FAM193A: variants seen among roughly 807,000 people sequenced by gnomAD.
FAM193A encodes protein FAM193A.
Under a neutral mutation model 126.5 loss-of-function variants are expected in FAM193A, and 22 were observed. That is an observed-to-expected ratio of 0.17 (90% CI 0.12 to 0.25). FAM193A has a LOEUF of 0.25. FAM193A is among the 10% of genes least tolerant of loss of function. FAM193A has a pLI of 1.00. For synonymous variants in FAM193A, 761 were observed against 646.8 expected, an observed-to-expected ratio of 1.18 and a Z score of -2.68; for missense variants, 1,675 against 1,672.8, an observed-to-expected ratio of 1.00 and a Z score of -0.02.
chr4:2,610,105 G>A (rs542257725), intron 2 of FAM193A, among the ~76,000 whole-genome samples: 93 of 148,638 alleles, frequency 6.3e-4, no homozygotes, highest in African/African-American at 2.1e-3. Flanking sequence ...GGTTGCGGGT[G>A]CCTGTAATCC....
intron 20 of FAM193A, among the ~76,000 whole-genome samples, chr4:2,725,210 A>G (rs999101032): frequency 1.3e-5 from 2 of 151,962 alleles, no homozygotes; most frequent in African/African-American, 4.8e-5. Context: ...ATTAAAAACT[A>G]TATATATATG....
Position 2,699,752 on chromosome 4 carries a change from C to A in FAM193A, c.3580C>A (p.Arg1194=), listed in dbSNP as rs746454536. Residue 1194 remains arginine, a synonymous_variant, in exon 19 of 21, where the codon CGG becomes AGG. Transcript: ENST00000637812. ...CCTGCACCTCCAGGAGGAGCAGAGGCGGCGGGAGGAGGAGGAGGATGAGGA... is the reference window on the plus strand; with the variant it reads ...CCTGCACCTCCAGGAGGAGCAGAGGAGGCGGGAGGAGGAGGAGGATGAGGA... The part of the protein sequence containing the change: ...EHLHLQEEQR[R]REEEEDEEEE... The A allele has an allele frequency of 6.2e-7, 1 of 1,613,562 alleles. No individual in the cohort carries two copies. Among genetic ancestry groups the A allele is most frequent in the East Asian group, 2.2e-5 (1 of 44,854 alleles).
chr4:2,638,235 TCTG>T (rs1217967087), intron 5 of FAM193A, among the ~76,000 whole-genome samples: 1 of 152,222 alleles, frequency 6.6e-6, no homozygotes, highest in African/African-American at 2.4e-5. Context: ...TGCCTACTCT[TCTG>T]TTCCCCGGGA....
chr4:2,712,002 T>C (rs1719033267), intron 19 of FAM193A, among the ~76,000 whole-genome samples: 1 of 152,202 alleles, frequency 6.6e-6, no homozygotes, highest in Non-Finnish European at 1.5e-5. Context: ...CTTTTAAATT[T>C]CCAAGAGGAG....
rs1469518362 is a variant in FAM193A at position 2,711,678 on chromosome 4, A to G, written c.4373-4345A>G. Among the ~76,000 whole-genome samples the G allele has an allele frequency of 2.0e-5, 3 of 150,708 alleles. No homozygotes were observed. The East Asian group carries it at 6.1e-4, about 30-fold the overall frequency. On this transcript the variant is annotated intron_variant, in intron 19 of 20. Coordinates refer to ENST00000637812, the MANE Select transcript of FAM193A (RefSeq NM_001366318.2). ...TTAAAGAAATTCTGGGCTGGGCGCT[A>G]TGGCTCATGCCTGTAATCCCAGCAC...
At chr4:2,583,244 G>A (rs1250237336) in intron 1 of FAM193A, among the ~76,000 whole-genome samples, 1 of 152,226 alleles carries the variant, frequency 6.6e-6, no homozygotes, top group Non-Finnish European at 1.5e-5. Context: ...AAAGTGCTGG[G>A]ATCATAGGCG....
chr4:2,692,608 A>G (rs929033585), intron 15 of FAM193A, among the ~76,000 whole-genome samples: 2 of 152,194 alleles, frequency 1.3e-5, no homozygotes, highest in Non-Finnish European at 2.9e-5. Context: ...TGCCCAGAAC[A>G]TTTTATCCAA....
chr4:2,726,254 G>A (rs1720734639), intron 20 of FAM193A, among the ~76,000 whole-genome samples: 1 of 152,006 alleles, frequency 6.6e-6, no homozygotes, highest in South Asian at 2.1e-4. Flanking sequence ...TGTCCAGGGT[G>A]GTCTCAAACT....
intron 4 of FAM193A, among the ~76,000 whole-genome samples, chr4:2,627,846 C>T (rs908127064): frequency 1.3e-5 from 2 of 151,658 alleles, no homozygotes; most frequent in Non-Finnish European, 1.5e-5. Flanking sequence ...GGGTTCACGC[C>T]GTTCTCCTGC....
chr4:2,642,434 C>T (rs2109035876), intron 6 of FAM193A, among the ~76,000 whole-genome samples: 1 of 152,302 alleles, frequency 6.6e-6, no homozygotes, highest in South Asian at 2.1e-4. Context: ...TCTGTGGCCA[C>T]TGTGTATCAA....
At chr4:2,535,577 C>A (rs961765727), upstream of FAM193A, among the ~76,000 whole-genome samples, 3 of 152,236 alleles carry the variant, frequency 2.0e-5, no homozygotes, top group Non-Finnish European at 2.9e-5. Context: ...AGGGTCCCCC[C>A]GTGGCCCGGG....
chr4:2,550,254 C>T (rs985298623), intron 1 of FAM193A, among the ~76,000 whole-genome samples: 10 of 151,862 alleles, frequency 6.6e-5, no homozygotes, highest in Non-Finnish European at 1.5e-4. Context: ...TCACGTTGGC[C>T]AGGCTGATCT....
chr4:2,707,160 A>T (rs1718407412), intron 19 of FAM193A, among the ~76,000 whole-genome samples: 1 of 152,008 alleles, frequency 6.6e-6, no homozygotes, highest in Non-Finnish European at 1.5e-5. Context: ...CTTTGTCAGG[A>T]TTCCATTACA....
intron 5 of FAM193A, among the ~76,000 whole-genome samples, chr4:2,636,008 T>G (rs1309807843): frequency 1.3e-5 from 2 of 152,128 alleles, no homozygotes; most frequent in Non-Finnish European, 2.9e-5. Context: ...GAATTTTTTT[T>G]TTTTTGAGAC....
intron 2 of FAM193A, among the ~76,000 whole-genome samples, chr4:2,623,120 A>G (rs1742653709): frequency 6.6e-6 from 1 of 151,160 alleles, no homozygotes; most frequent in South Asian, 2.1e-4. Context: ...TTCTTTCAGG[A>G]TGACACAAGC....
chr4:2,682,341 A>G (rs943241423), intron 13 of FAM193A, among the ~76,000 whole-genome samples: 6 of 151,726 alleles, frequency 4.0e-5, no homozygotes, highest in Non-Finnish European at 5.9e-5. Flanking sequence ...TTGTTTTTTT[A>G]TTTTTAGAGA....
intron 4 of FAM193A, among the ~76,000 whole-genome samples, chr4:2,628,330 C>G (rs1217039702): frequency 6.6e-6 from 1 of 152,084 alleles, no homozygotes; most frequent in Non-Finnish European, 1.5e-5. Flanking sequence ...GCATGAGGTC[C>G]CTCTCTGTGG....
At chr4:2,695,524 A>G (rs1336953170) in intron 17 of FAM193A, among the ~76,000 whole-genome samples, 1 of 152,214 alleles carries the variant, frequency 6.6e-6, no homozygotes, top group East Asian at 1.9e-4. Flanking sequence ...CAGAGCTGTG[A>G]TTTAATTTAT....
chr4:2,732,003 A>C lies in FAM193A; in HGVS notation c.*135A>C, dbSNP rs568885266. 9.8e-5 allele frequency: 71 copies of C among 726,824 alleles called. No individual in the cohort carries two copies. Among genetic ancestry groups the C allele is most frequent in the Non-Finnish European group, 2.4e-6 (1 of 409,472 alleles). The allele number at this position is 726,824 out of a possible 1,614,324, so 45.0% of individuals were successfully genotyped here. A position where few individuals can be genotyped will look rare whatever the true frequency, so the allele number is the denominator to read the frequency against. On this transcript the variant is annotated 3_prime_UTR_variant, in exon 21 of 21. Coordinates refer to ENST00000637812, the MANE Select transcript of FAM193A (RefSeq NM_001366318.2). The stretch of plus-strand genomic sequence containing the variant: ...CGGAGCTGGTGCTGCCTGAAACCCC[A>C]GACCGAGAAGTTGATGCTCGGCCCA...
Sources: allele counts gnomAD v4.1 joint callset (sites outside exome capture counted in the v4.1 genomes callset), GRCh38; gene constraint gnomAD v4.1.1; transcripts MANE v1.5; gene names NCBI Gene and HGNC (gene_info 2026-07-23, HGNC 2026-07-21).